The following SLC41A3 variants were observed in gnomAD, a reference collection of about 807,000 sequenced individuals.
SLC41A3 encodes SLC41A1-like 2.
A neutral mutation model predicts 45.4 loss-of-function variants in SLC41A3; 44 were observed. The ratio of observed to expected loss-of-function variants is 0.97; its 90% confidence interval spans 0.76 to 1.25. The LOEUF is 1.25. Among genes scored for constraint, SLC41A3 ranks in the 50% most tolerant of loss-of-function variants. The pLI is 0.00. For synonymous variants in SLC41A3, 256 were observed against 252.4 expected (o/e 1.01, Z -0.13); for missense variants, 550 against 600.6 (o/e 0.92, Z 0.88).
intron 2 of SLC41A3, chr3:126,056,289 T>C (rs1943653532): frequency 1.3e-6 from 2 of 1,561,260 alleles, no homozygotes; most frequent in South Asian, 2.4e-5. Flanking sequence ...CAGCCTGCCC[T>C]GTCTGTGGTG....
Position 126,015,523 on chromosome 3 carries a change from C to A in SLC41A3, c.941G>T (p.Gly314Val), listed in dbSNP as rs757711644. ...TATGACGGGGGTAAATATCGCCATG[C>A]CTTTGTACTGCTGTTTAGAAACGGT... is the stretch of plus-strand genomic sequence containing the variant. ...SKTVSKQQYK[G>V]MAIFTPVICG... The change falls in exon 8 of 11, where the codon GGC becomes GTC. Residue 314 changes from glycine to valine, a missense_variant. Physicochemically the swap from Gly to Val is moderately radical, Grantham distance 109 (BLOSUM62 -3). Transcript: ENST00000360370. 1.2e-5 allele frequency: 19 copies of A among 1,614,182 alleles called. No individual in the cohort carries two copies. Among genetic ancestry groups the A allele is most frequent in the Non-Finnish European group, 1.6e-5 (19 of 1,180,010 alleles).
chr3:126,066,938 T>C (rs1300205085), intron 2 of SLC41A3, among the ~76,000 whole-genome samples: 1 of 152,204 alleles, frequency 6.6e-6, no homozygotes, highest in African/African-American at 2.4e-5. Context: ...TCATTTAATC[T>C]GTACTAAATA....
At chr3:126,091,582 G>T (rs1218942627) in intron 1 of SLC41A3, among the ~76,000 whole-genome samples, 5 of 152,134 alleles carry the variant, frequency 3.3e-5, no homozygotes, top group African/African-American at 1.2e-4. Context: ...GTTTTTTTAT[G>T]CAGATGAAGC....
chr3:126,034,592 C>G (rs76047016), intron 3 of SLC41A3, among the ~76,000 whole-genome samples: 8,291 of 152,276 alleles, frequency 0.054, 710 homozygotes, highest in African/African-American at 0.18. Flanking sequence ...ACACCCACCG[C>G]AGGTGTCCCT....
At chr3:126,060,204 A>T (rs1024430087) in intron 2 of SLC41A3, among the ~76,000 whole-genome samples, 1 of 152,210 alleles carries the variant, frequency 6.6e-6, no homozygotes, top group African/African-American at 2.4e-5. Flanking sequence ...AGATCACCTG[A>T]GGTCGGGAGT....
At chr3:126,056,381 C>T (rs142698355) in intron 2 of SLC41A3, 17 of 1,614,000 alleles carry the variant, frequency 1.1e-5, no homozygotes, top group East Asian at 2.2e-5. Context: ...ATCACCAGGC[C>T]GGCTGTCATC....
intron 1 of SLC41A3, among the ~76,000 whole-genome samples, chr3:126,094,104 T>G (rs1945547453): frequency 1.3e-5 from 2 of 152,208 alleles, no homozygotes; most frequent in Non-Finnish European, 2.9e-5. Context: ...AGAGATTTAT[T>G]ACAACAATGG....
At chr3:126,016,987 T>C (rs1250360945) in intron 6 of SLC41A3, 112 bp from the exon 7 acceptor site, 8 of 1,319,082 alleles carry the variant, frequency 6.1e-6, no homozygotes, top group African/African-American at 1.5e-5. Context: ...TCCTCATCAG[T>C]TGAGGGGGAA....
chr3:126,064,214 G>A (rs959744038), intron 2 of SLC41A3, among the ~76,000 whole-genome samples: 6 of 152,046 alleles, frequency 3.9e-5, no homozygotes, highest in African/African-American at 7.3e-5. Context: ...TGTGAGCGGC[G>A]CGTTCCCCTC....
intron 3 of SLC41A3, among the ~76,000 whole-genome samples, chr3:126,042,985 A>C (rs1405717608): frequency 1.3e-5 from 2 of 151,348 alleles, no homozygotes; most frequent in Non-Finnish European, 2.9e-5. Flanking sequence ...TATTTGAAGA[A>C]ATGATGGCCA....
At chr3:126,087,238 CTT>C (rs1015556166), upstream of SLC41A3, among the ~76,000 whole-genome samples, 5 of 152,160 alleles carry the variant, frequency 3.3e-5, no homozygotes, top group African/African-American at 1.2e-4. Flanking sequence ...AAAAAATACT[CTT>C]ATATTTAATC....
chr3:126,098,332 A>G (rs900997943), intron 1 of SLC41A3, among the ~76,000 whole-genome samples: 1 of 152,220 alleles, frequency 6.6e-6, no homozygotes, highest in African/African-American at 2.4e-5. Context: ...GAAGGTTACC[A>G]TCTGCAAGAC....
In SLC41A3 at chr3:126,035,154, G is replaced by C. The variant is rs1002442099; in HGVS notation, c.382-1476C>G. ...AGGGTGTAAAGGGATTAAGATTTCA[G>C]AGTGTCCAGAGTATTTCTGGGCCAG... On this transcript the variant is annotated intron_variant, in intron 3 of 10. Transcript: ENST00000360370. Among the ~76,000 whole-genome samples the C allele has an allele frequency of 4.3e-4, 66 of 152,248 alleles. 1 individual carries two copies. The highest frequency in any genetic ancestry group is 6.5e-4 in the Admixed American group (10 of 15,288).
Position 126,015,558 on chromosome 3 carries a change from G to C in SLC41A3, c.906C>G (p.Ile302Met). ...GCTGTTTAGAAACGGTTTTGCTCAA[G>C]ATGAGTCCTCCGAAACTGGGGAAAT... Reference protein sequence around the residue: ...AMVISSFGGLILSKTVSKQQY... With the variant: ...AMVISSFGGLMLSKTVSKQQY... The change falls in exon 8 of 11, where the codon ATC (isoleucine) becomes ATG (methionine). Residue 302 changes from isoleucine to methionine, a missense_variant. Ile to Met is a conservative substitution (Grantham distance 10). Coordinates refer to ENST00000360370, the MANE Select transcript of SLC41A3 (RefSeq NM_017836.4). 1 of 1,614,186 alleles carries C rather than the reference G, an allele frequency of 6.2e-7. No homozygotes were observed. Among genetic ancestry groups the C allele is most frequent in the Non-Finnish European group, 8.5e-7 (1 of 1,180,012 alleles).
At chr3:126,091,158 G>A (rs1200618098) in intron 1 of SLC41A3, among the ~76,000 whole-genome samples, 2 of 152,154 alleles carry the variant, frequency 1.3e-5, no homozygotes, top group African/African-American at 4.8e-5. Context: ...CATTTGTCAA[G>A]GCCAGAAGAT....
chr3:126,099,663 A>G lies in SLC41A3; in HGVS notation c.-79+1766T>C, dbSNP rs191111323. Among the ~76,000 whole-genome samples, 256 of 152,326 alleles carry G rather than the reference A, an allele frequency of 1.7e-3. 1 individual carries two copies. Among genetic ancestry groups the G allele is most frequent in the Middle Eastern group, 6.8e-3 (2 of 294 alleles). ...TGCAGTGTGCTGAGATTGCGCCACT[A>G]CACTCCATGAGTGACAGAGACTATC... On this transcript the variant is annotated intron_variant, in intron 1 of 9. Coordinates refer to the SLC41A3 transcript ENST00000508835.
At chr3:126,090,019 C>T (rs1282547194) in intron 1 of SLC41A3, among the ~76,000 whole-genome samples, 3 of 122,714 alleles carry the variant, frequency 2.4e-5, no homozygotes, top group Non-Finnish European at 5.0e-5. Context: ...TAAAGAAGGT[C>T]AAGAAAATCT....
At chr3:126,027,585 G>A (rs1941465955) in intron 4 of SLC41A3, among the ~76,000 whole-genome samples, 1 of 152,164 alleles carries the variant, frequency 6.6e-6, no homozygotes, top group Non-Finnish European at 1.5e-5. Context: ...ACTGAAGAGT[G>A]GGGCACTGTT....
chr3:126,082,360 C>A (rs1397997764), intron 1 of SLC41A3, among the ~76,000 whole-genome samples: 2 of 152,206 alleles, frequency 1.3e-5, no homozygotes, highest in African/African-American at 4.8e-5. Flanking sequence ...GCAATGTCTG[C>A]ACATGGTTTT....
Sources: gnomAD v4.1 joint callset for allele counts (sites outside exome capture counted in the v4.1 genomes callset) on GRCh38, gnomAD v4.1.1 for gene constraint, MANE v1.5 for transcripts, NCBI Gene and HGNC (gene_info 2026-07-23, HGNC 2026-07-21) for gene names.